CRHR1: variants seen among roughly 807,000 people sequenced by gnomAD.
The protein encoded by CRHR1 is corticotropin-releasing hormone receptor 1.
A neutral mutation model predicts 56.0 loss-of-function variants in CRHR1; 28 were observed. The observed-to-expected ratio is 0.50, with a 90% confidence interval of 0.37 to 0.69. The LOEUF is 0.69. Among genes scored for constraint, CRHR1 ranks in the 30% least tolerant of loss-of-function variants. The probability of loss-of-function intolerance (pLI) is 0.00; values close to 1 mark genes in which losing one functional copy is unlikely to be tolerated. For synonymous variants in CRHR1, 195 were observed against 216.5 expected (o/e 0.90, Z 0.87); for missense variants, 376 against 548.0 (o/e 0.69, Z 3.13).
intron 3 of CRHR1, among the ~76,000 whole-genome samples, chr17:45,817,329 TG>T: frequency 6.6e-6 from 1 of 152,346 alleles, no homozygotes; most frequent in South Asian, 2.1e-4. Flanking sequence ...CTAACCTACC[TG>T]AGGGGAGGCT....
intron 2 of CRHR1, among the ~76,000 whole-genome samples, chr17:45,810,122 A>G (rs1440126636): frequency 6.6e-6 from 1 of 152,144 alleles, no homozygotes; most frequent in Non-Finnish European, 1.5e-5. Flanking sequence ...TCTACTAAAA[A>G]TAAAAATAAA....
chr17:45,815,182 C>T (rs990390254), intron 2 of CRHR1, among the ~76,000 whole-genome samples: 1 of 152,216 alleles, frequency 6.6e-6, no homozygotes, highest in Admixed American at 6.5e-5. Flanking sequence ...CCTGGCCCTC[C>T]GTGGCTTGTC....
intron 3 of CRHR1, among the ~76,000 whole-genome samples, chr17:45,816,826 G>A (rs2061939366): frequency 1.3e-5 from 2 of 152,236 alleles, no homozygotes; most frequent in Admixed American, 6.5e-5. Flanking sequence ...GGGGCTCAGG[G>A]AGGTTAGGGA....
At chr17:45,812,999 C>T (rs1267333443) in intron 2 of CRHR1, among the ~76,000 whole-genome samples, 3 of 152,182 alleles carry the variant, frequency 2.0e-5, no homozygotes, top group South Asian at 2.1e-4. Flanking sequence ...GTCCCAGGGA[C>T]CCCCCACTCT....
intron 1 of CRHR1, among the ~76,000 whole-genome samples, chr17:45,797,307 T>C (rs113427140): frequency 0.12 from 16,423 of 136,376 alleles, 451 homozygotes; most frequent in Non-Finnish European, 0.18. Flanking sequence ...TTTTTTTTTT[T>C]TGAGACGGAG....
rs538744624 is a variant in CRHR1 at position 45,816,467 on chromosome 17, G to A, written c.126G>A (p.Leu42=). 6.2e-6 allele frequency: 10 copies of A among 1,614,058 alleles called. No homozygotes were observed. The East Asian group carries it at 2.0e-4, about 32-fold the overall frequency. ...ACCAGCCGTCTCTGCCCCCAGGACT[G>A]CAGTGCAACGCATCCGTGGACCTCA... ...SLSLASNISG[L]QCNASVDLIG... Residue 42 remains leucine, a synonymous_variant, in exon 3 of 13, where the codon CTG becomes CTA. Coordinates refer to ENST00000314537, the MANE Select transcript of CRHR1 (RefSeq NM_004382.5).
At chr17:45,829,173 A>G in intron 4 of CRHR1, 42 bp from the exon 5 acceptor site, 1 of 1,511,434 alleles carries the variant, frequency 6.6e-7, no homozygotes, top group Non-Finnish European at 9.2e-7. Context: ...AGCAGCTCCC[A>G]TCCAGCAGAA....
At chr17:45,816,337 A>T in intron 2 of CRHR1, 126 bp from the exon 3 acceptor site, 1 of 1,311,136 alleles carries the variant, frequency 7.6e-7, no homozygotes, top group Non-Finnish European at 1.0e-6. Flanking sequence ...CATTGTTGTC[A>T]TCCTGTCCCT....
At chr17:45,797,679 G>A (rs1472677440) in intron 1 of CRHR1, among the ~76,000 whole-genome samples, 1 of 152,130 alleles carries the variant, frequency 6.6e-6, no homozygotes, top group Non-Finnish European at 1.5e-5. Flanking sequence ...GGAAAATGAG[G>A]CTTGGAGAAG....
At chr17:45,798,432 A>G (rs771520918) in intron 1 of CRHR1, among the ~76,000 whole-genome samples, 6 of 151,700 alleles carry the variant, frequency 4.0e-5, no homozygotes, top group African/African-American at 9.7e-5. Flanking sequence ...AGGCTGAGGC[A>G]TGAGAATCTC....
At chr17:45,793,511 G>A (rs2061463753) in intron 1 of CRHR1, among the ~76,000 whole-genome samples, 2 of 152,340 alleles carry the variant, frequency 1.3e-5, no homozygotes, top group South Asian at 2.1e-4. Context: ...GAGTAGCCAG[G>A]CAAGGCAGGG....
chr17:45,793,221 C>T (rs973706259), intron 1 of CRHR1, among the ~76,000 whole-genome samples: 3 of 152,266 alleles, frequency 2.0e-5, no homozygotes, highest in South Asian at 4.1e-4. Flanking sequence ...CCCTGTGTTC[C>T]GCCTCCGGTC....
intron 2 of CRHR1, among the ~76,000 whole-genome samples, chr17:45,814,796 G>C: frequency 6.6e-6 from 1 of 152,250 alleles, no homozygotes; most frequent in East Asian, 1.9e-4. Flanking sequence ...CTGTGGCACA[G>C]CACCTGGGCT....
In CRHR1 at chr17:45,830,210, A is replaced by G. The variant is rs1198858740; in HGVS notation, c.551A>G (p.Asn184Ser). 1.2e-6 allele frequency: 2 copies of G among 1,614,056 alleles called. No homozygotes were observed. The highest frequency in any genetic ancestry group is 1.7e-6 in the Non-Finnish European group (2 of 1,179,998). The stretch of plus-strand genomic sequence containing the variant: ...ATGAGCCCCGAGGTCCACCAGAGCA[A>G]CGTGGTACGTCCTGGCAGGGGAGCG... ...LTMSPEVHQS[N>S]VGWCRLVTAA... Residue 184 changes from asparagine to serine, a missense_variant, in exon 6 of 13, where the codon AAC (asparagine) becomes AGC (serine). By Grantham distance (46) the Asn-to-Ser change is conservative. Transcript: ENST00000314537.
intron 2 of CRHR1, among the ~76,000 whole-genome samples, chr17:45,815,096 C>T (rs2061900214): frequency 6.6e-6 from 1 of 152,256 alleles, no homozygotes; most frequent in Non-Finnish European, 1.5e-5. Context: ...CAGGCAGCCC[C>T]AGCCAGGGCT....
chr17:45,825,252 C>T (rs958304099), intron 4 of CRHR1, among the ~76,000 whole-genome samples: 1 of 152,216 alleles, frequency 6.6e-6, no homozygotes, highest in Non-Finnish European at 1.5e-5. Flanking sequence ...GAGATCTGCC[C>T]GCAGCCAGCA....
chr17:45,830,107 CT>C lies in CRHR1; in HGVS notation c.449del (p.Leu150ArgfsTer25). The stretch of plus-strand genomic sequence containing the variant: ...CTGCTGCACCAGGAGCATCCGGTGC[CT>C]GCGAAACATCATCCACTGGAACCTC... ...LFLRLRSIRC[L>X]RNIIHWNLIS... is the part of the protein sequence containing the mutation. On this transcript the variant is annotated frameshift_variant, in exon 6 of 13. Coordinates refer to ENST00000314537, the MANE Select transcript of CRHR1 (RefSeq NM_004382.5). LOFTEE classifies it high-confidence loss of function. 6.2e-7 allele frequency: 1 copy of C among 1,614,128 alleles called. No individual in the cohort carries two copies. Among genetic ancestry groups the C allele is most frequent in the Non-Finnish European group, 8.5e-7 (1 of 1,180,016 alleles).
At chr17:45,791,132 C>A (rs943937983) in intron 1 of CRHR1, among the ~76,000 whole-genome samples, 92 of 152,198 alleles carry the variant, frequency 6.0e-4, no homozygotes, top group African/African-American at 2.0e-3. Context: ...TTCTAGAAAG[C>A]CCTTCCTAGC....
intron 2 of CRHR1, among the ~76,000 whole-genome samples, chr17:45,809,163 T>C (rs2061772778): frequency 6.6e-6 from 1 of 151,880 alleles, no homozygotes; most frequent in Non-Finnish European, 1.5e-5. Flanking sequence ...GACCAGTAGG[T>C]GGGTTTGGCG....
Sources: allele counts gnomAD v4.1 joint callset (sites outside exome capture counted in the v4.1 genomes callset), GRCh38; gene constraint gnomAD v4.1.1; transcripts MANE v1.5; gene names NCBI Gene and HGNC (gene_info 2026-07-23, HGNC 2026-07-21).